LNPEP: variants seen among roughly 807,000 people sequenced by gnomAD.
The protein encoded by LNPEP is leucyl and cystinyl aminopeptidase.
Under a neutral mutation model 120.6 loss-of-function variants are expected in LNPEP, and 64 were observed. That is an observed-to-expected ratio of 0.53 (90% confidence interval 0.43 to 0.65). LNPEP has a LOEUF of 0.65. LNPEP is among the 30% of genes least tolerant of loss of function. LNPEP has a pLI of 0.00. For synonymous variants in LNPEP, 435 were observed against 425.4 expected (o/e 1.02, Z -0.28); for missense variants, 1,057 against 1,200.0 (o/e 0.88, Z 1.76).
intron 1 of LNPEP, among the ~76,000 whole-genome samples, chr5:96,976,332 C>T (rs971128709): frequency 7.2e-5 from 11 of 151,948 alleles, no homozygotes; most frequent in Admixed American, 7.2e-4. Context: ...TAAAATTCTA[C>T]GTTGGTATTA....
At position 97,029,143 on chromosome 5, in the gene LNPEP, A is replaced by G. The variant is rs1305618652; in HGVS notation, c.*610A>G. ...AACTATTGTGTTTTTTTCCTGCCGAATAGCCAGGTGCTACAGATTTTTAAA... is the reference window on the plus strand; with the variant it reads ...AACTATTGTGTTTTTTTCCTGCCGAGTAGCCAGGTGCTACAGATTTTTAAA... On this transcript the variant is annotated 3_prime_UTR_variant, in exon 18 of 18. Transcript: ENST00000231368. 1 of 152,372 alleles carries G rather than the reference A, an allele frequency of 6.6e-6. No homozygotes were observed. The highest frequency in any genetic ancestry group is 1.5e-5 in the Non-Finnish European group (1 of 68,036). 9.4% of individuals were successfully genotyped at this position (152,372 alleles called of 1,614,324 possible).
chr5:96,986,316 C>A (rs1012769990), intron 3 of LNPEP, among the ~76,000 whole-genome samples: 1 of 152,152 alleles, frequency 6.6e-6, no homozygotes, highest in African/African-American at 2.4e-5. Flanking sequence ...GGACTAAAAA[C>A]TCCTTGAGGA....
chr5:97,018,665 T>C (rs1236541029), intron 13 of LNPEP, among the ~76,000 whole-genome samples: 1 of 152,154 alleles, frequency 6.6e-6, no homozygotes, highest in Non-Finnish European at 1.5e-5. Flanking sequence ...AATCTGACAT[T>C]CTACAGTTAG....
chr5:97,027,746 T>G lies in LNPEP; in HGVS notation c.2878T>G (p.Ser960Ala). The G allele has an allele frequency of 2.5e-6, 4 of 1,600,212 alleles. No homozygotes were observed. Among genetic ancestry groups the G allele is most frequent in the Non-Finnish European group, 3.4e-6 (4 of 1,167,304 alleles). ...NKLVQKFPLG[S>A]YTIQNIVAGS... ...GTGTTTCTTCAGGTTCCCTCTGGGG[T>G]CCTATACCATACAAAATATTGTTGC... Residue 960 changes from serine to alanine, a missense_variant, in exon 17 of 18, where the codon TCC (serine) becomes GCC (alanine). Coordinates refer to ENST00000231368, the MANE Select transcript of LNPEP (RefSeq NM_005575.3).
At chr5:96,969,611 G>A (rs1789812557) in intron 1 of LNPEP, among the ~76,000 whole-genome samples, 1 of 152,028 alleles carries the variant, frequency 6.6e-6, no homozygotes, top group South Asian at 2.1e-4. Flanking sequence ...AATGGTATGT[G>A]TGGATTTTTG....
chr5:96,986,492 C>T, intron 3 of LNPEP, 47 bp from the exon 4 acceptor site: 16 of 1,555,964 alleles, frequency 1.0e-5, no homozygotes, highest in South Asian at 2.4e-5. Flanking sequence ...TTGTTATTGC[C>T]ATTTATTCCT....
At chr5:97,014,656 A>T (rs1018672934) in intron 12 of LNPEP, among the ~76,000 whole-genome samples, 10 of 152,140 alleles carry the variant, frequency 6.6e-5, no homozygotes, top group Non-Finnish European at 1.5e-4. Flanking sequence ...TTTCTAACCC[A>T]AGATATTATA....
rs746196818 is a variant in LNPEP at position 96,979,910 on chromosome 5, G to A, written c.792G>A (p.Ser264=). The A allele has an allele frequency of 1.4e-5, 22 of 1,613,510 alleles. No homozygotes were observed. The highest frequency in any genetic ancestry group is 4.5e-5 in the East Asian group (2 of 44,866). The change falls in exon 2 of 18, where the codon TCG becomes TCA. Residue 264 remains serine (S), a synonymous_variant. Transcript: ENST00000231368. ...ATTATACGTTGAAGATAGAGTACTCGGCAAATATATCTAGTTCTTATTATG... is the reference window on the plus strand; with the variant it reads ...ATTATACGTTGAAGATAGAGTACTCAGCAAATATATCTAGTTCTTATTATG... The part of the protein sequence containing the change: ...GHNYTLKIEY[S]ANISSSYYGF...
At chr5:96,940,119 G>T (rs1789017814) in intron 1 of LNPEP, among the ~76,000 whole-genome samples, 1 of 152,028 alleles carries the variant, frequency 6.6e-6, no homozygotes, top group Admixed American at 6.6e-5. Flanking sequence ...AACAATCTAG[G>T]GTTAAAGCTA....
rs756125473 is a variant in LNPEP at position 97,026,611 on chromosome 5, C to T, written c.2724-6C>T. ...TTTTGGAGGCTAAATCTGCTTTGCT[C>T]TTCAGGTTAATGAAAAGTAGCCTGA... On this transcript the variant is annotated splice_polypyrimidine_tract_variant and splice_region_variant and intron_variant, in intron 15 of 17. Coordinates refer to ENST00000231368, the MANE Select transcript of LNPEP (RefSeq NM_005575.3). 13 of 1,610,676 alleles carry T rather than the reference C, an allele frequency of 8.1e-6. No homozygotes were observed. Among genetic ancestry groups the T allele is most frequent in the Non-Finnish European group, 7.6e-6 (9 of 1,177,664 alleles).
At chr5:96,993,159 A>G in intron 5 of LNPEP, 24 bp downstream of exon 5, 1 of 1,505,630 alleles carries the variant, frequency 6.6e-7, no homozygotes. Flanking sequence ...AGTGTGTCTG[A>G]TTTTTGTTAT....
At chr5:97,003,868 T>C (rs949071616) in intron 9 of LNPEP, among the ~76,000 whole-genome samples, 1 of 152,104 alleles carries the variant, frequency 6.6e-6, no homozygotes, top group African/African-American at 2.4e-5. Context: ...TACTATATTT[T>C]CATTATTTGA....
In LNPEP at chr5:96,979,173, AGCATGTTTGAG is replaced by A; in HGVS notation, c.57_67del (p.Ser19ArgfsTer20). On this transcript the variant is annotated frameshift_variant, in exon 2 of 18. Coordinates refer to ENST00000231368, the MANE Select transcript of LNPEP (RefSeq NM_005575.3). LOFTEE classifies it high-confidence loss of function. ...GCTCCCCAGGAATATGATTGAAAAC[AGCATGTTTGAG>A]GAAGAACCAGATGTGGTGGATTTAG... The A allele has an allele frequency of 6.2e-7, 1 of 1,612,962 alleles. No individual in the cohort carries two copies. Among genetic ancestry groups the A allele is most frequent in the Non-Finnish European group, 8.5e-7 (1 of 1,179,356 alleles).
intron 8 of LNPEP, among the ~76,000 whole-genome samples, chr5:97,000,471 G>A (rs1790623199): frequency 6.6e-6 from 1 of 152,076 alleles, no homozygotes; most frequent in African/African-American, 2.4e-5. Flanking sequence ...GGCTCACTGT[G>A]CCTAAACAAT....
rs892405019 is a variant in LNPEP, at chr5:97,034,847, A to G, written c.*6314A>G. ...AGATTGACTCTATGAAAAATATCCC[A>G]TACTCCCCATCCCTCATTGCCTAGG... On this transcript the variant is annotated 3_prime_UTR_variant, in exon 18 of 18. Coordinates refer to ENST00000231368, the MANE Select transcript of LNPEP (RefSeq NM_005575.3). The G allele has an allele frequency of 6.6e-6, 1 of 152,084 alleles. No individual in the cohort carries two copies. The highest frequency in any genetic ancestry group is 2.4e-5 in the African/African-American group (1 of 41,418). 9.4% of individuals were successfully genotyped at this position (152,084 alleles called of 1,614,324 possible). A position where few individuals can be genotyped will look rare whatever the true frequency, so the allele number is the denominator to read the frequency against.
intron 1 of LNPEP, among the ~76,000 whole-genome samples, chr5:96,938,820 A>C (rs1373537477): frequency 6.6e-6 from 1 of 152,192 alleles, no homozygotes; most frequent in African/African-American, 2.4e-5. Context: ...AGGGATTGCT[A>C]TTATGTTGAA....
At position 96,979,726 on chromosome 5, in the gene LNPEP, T is replaced by C. The variant is rs1185593580; in HGVS notation, c.608T>C (p.Val203Ala). ...ACAATTTCAGTTCAGGCTCTTCAGG[T>C]CACATGGAATATCATTCTTCATAGC... ...SVTISVQALQVTWNIILHSTG... is the reference protein window; with the variant it reads ...SVTISVQALQATWNIILHSTG... Residue 203 changes from valine (V) to alanine (A), a missense_variant, in exon 2 of 18, where the codon GTC (valine) becomes GCC (alanine). Coordinates refer to ENST00000231368, the MANE Select transcript of LNPEP (RefSeq NM_005575.3). 10 of 1,614,042 alleles carry C rather than the reference T, an allele frequency of 6.2e-6. No homozygotes were observed. Among genetic ancestry groups the C allele is most frequent in the Non-Finnish European group, 8.5e-6 (10 of 1,179,964 alleles).
At chr5:97,015,890 T>A (rs1335592173) in intron 13 of LNPEP, among the ~76,000 whole-genome samples, 1 of 152,050 alleles carries the variant, frequency 6.6e-6, no homozygotes, top group Non-Finnish European at 1.5e-5. Flanking sequence ...GATTAAATCA[T>A]TTTTTTAACA....
rs147410179 is a variant in LNPEP at position 97,025,206 on chromosome 5, T to A, written c.2723+524T>A. ...GCCTCCTGACAGGAAGAACAGGCAG[T>A]GGTGGGGTAGAGGAGCTCTACATAG... On this transcript the variant is annotated intron_variant, in intron 15 of 17. Coordinates refer to ENST00000231368, the MANE Select transcript of LNPEP (RefSeq NM_005575.3). Among the ~76,000 whole-genome samples the A allele has an allele frequency of 1.1e-4, 16 of 152,266 alleles. No homozygotes were observed. In the East Asian group the frequency reaches 2.9e-3, roughly 28 times the overall value.
Sources: allele counts gnomAD v4.1 joint callset (sites outside exome capture counted in the v4.1 genomes callset), GRCh38; gene constraint gnomAD v4.1.1; transcripts MANE v1.5; gene names NCBI Gene and HGNC (gene_info 2026-07-23, HGNC 2026-07-21).